AHCYL2: variants seen among roughly 807,000 people sequenced by gnomAD.
AHCYL2 encodes the protein S-adenosylhomocysteine hydrolase-like protein 2.
Under a neutral mutation model 81.4 loss-of-function variants are expected in AHCYL2, and 28 were observed. The ratio of observed to expected loss-of-function variants is 0.34; its 90% CI spans 0.25 to 0.47. The LOEUF is 0.47. Ranked by LOEUF, AHCYL2 falls within the 20% of genes least tolerant of loss-of-function variation. The pLI is 1.00. For missense variants in AHCYL2, 551 were observed against 785.1 expected (o/e 0.70, Z 3.56); for synonymous variants, 272 against 290.2 (o/e 0.94, Z 0.64).
intron 5 of AHCYL2, among the ~76,000 whole-genome samples, chr7:129,399,603 AG>A (rs1243931827): frequency 6.6e-6 from 1 of 152,160 alleles, no homozygotes; most frequent in Non-Finnish European, 1.5e-5. Flanking sequence ...TCTTAATAAT[AG>A]GGTGGAATGA....
chr7:129,406,534 C>A lies in AHCYL2; in HGVS notation c.1295+68C>A. Reference sequence around the variant, plus strand: ...TCTCCAAAGAATGGCCTGGTTGATGCCACACTTTATTTTAGAGGAGCCCAG... The same window carrying A: ...TCTCCAAAGAATGGCCTGGTTGATGACACACTTTATTTTAGAGGAGCCCAG... On this transcript the variant is annotated intron_variant, in intron 10 of 16. Transcript: ENST00000325006. This position sits in a 1 kb window ranked among gnomAD's most constrained non-coding sequence, Gnocchi z 4.3. 1 of 1,460,532 alleles carries A rather than the reference C, an allele frequency of 6.8e-7. No individual in the cohort carries two copies. The highest frequency in any genetic ancestry group is 9.6e-7 in the Non-Finnish European group (1 of 1,040,484). 90.5% of individuals were successfully genotyped at this position (1,460,532 alleles called of 1,614,324 possible). A position where few individuals can be genotyped will look rare whatever the true frequency, so the allele number is the denominator to read the frequency against.
chr7:129,286,492 C>T (rs1248034761), intron 1 of AHCYL2, among the ~76,000 whole-genome samples: 3 of 150,984 alleles, frequency 2.0e-5, no homozygotes, highest in African/African-American at 7.3e-5. Flanking sequence ...CAGGGTTTCA[C>T]TCTCATCACC....
intron 1 of AHCYL2, among the ~76,000 whole-genome samples, chr7:129,278,763 C>CTTTTTTTT (rs36037913): frequency 9.0e-6 from 1 of 111,378 alleles, no homozygotes; most frequent in Admixed American, 9.6e-5. Context: ...TATTGAAGCT[C>CTTTTTTTT]TTTTTTTTTT....
intron 1 of AHCYL2, among the ~76,000 whole-genome samples, chr7:129,378,580 T>C (rs1319731662): frequency 6.6e-6 from 1 of 152,230 alleles, no homozygotes; most frequent in East Asian, 1.9e-4. Flanking sequence ...TGAGCAACAT[T>C]ACACAGCTAA....
intron 1 of AHCYL2, among the ~76,000 whole-genome samples, chr7:129,256,230 T>A (rs1401049525): frequency 6.6e-6 from 1 of 152,132 alleles, no homozygotes; most frequent in African/African-American, 2.4e-5. Flanking sequence ...AAATAATAGG[T>A]TAGAGTGATA....
chr7:129,303,345 G>T (rs1797316515), intron 1 of AHCYL2, among the ~76,000 whole-genome samples: 1 of 152,140 alleles, frequency 6.6e-6, no homozygotes, highest in African/African-American at 2.4e-5. Context: ...ACTTGTTATT[G>T]ATCTGTTTAG....
chr7:129,265,861 A>G (rs1022002907), intron 1 of AHCYL2, among the ~76,000 whole-genome samples: 5 of 152,202 alleles, frequency 3.3e-5, no homozygotes, highest in African/African-American at 1.2e-4. Flanking sequence ...AGACGATAGT[A>G]GTTTGGAGCA....
intron 2 of AHCYL2, chr7:129,388,800 C>T (rs773508453): frequency 1.7e-4 from 60 of 360,090 alleles, no homozygotes; most frequent in Admixed American, 3.6e-4. Flanking sequence ...TTTCTTTTTG[C>T]GTATTCAAGG....
At chr7:129,323,190 T>A (rs1798101108) in intron 1 of AHCYL2, among the ~76,000 whole-genome samples, 1 of 152,148 alleles carries the variant, frequency 6.6e-6, no homozygotes, top group South Asian at 2.1e-4. Flanking sequence ...ATCTGAGACT[T>A]TTCTTCTTTT....
rs530796422 is a variant in AHCYL2, at chr7:129,237,226, G to A, written c.363+11787G>A. ...TGTGTTTTCTTCACCTGTTTATATGGTTGTATTTATTATATTTTGGTCTTC... is the reference window on the plus strand; with the variant it reads ...TGTGTTTTCTTCACCTGTTTATATGATTGTATTTATTATATTTTGGTCTTC... On this transcript the variant is annotated intron_variant, in intron 1 of 16. Transcript: ENST00000325006. Among the ~76,000 whole-genome samples, 5 of 151,940 alleles carry A rather than the reference G, an allele frequency of 3.3e-5. No individual in the cohort carries two copies. In the South Asian group the frequency reaches 8.3e-4, roughly 25 times the overall value.
At chr7:129,268,842 G>A (rs1006243043) in intron 1 of AHCYL2, among the ~76,000 whole-genome samples, 1 of 152,090 alleles carries the variant, frequency 6.6e-6, no homozygotes, top group African/African-American at 2.4e-5. Context: ...ATTTCATACT[G>A]CGAAGTTCAC....
intron 1 of AHCYL2, among the ~76,000 whole-genome samples, chr7:129,370,699 A>G (rs1243489509): frequency 6.6e-6 from 1 of 152,194 alleles, no homozygotes; most frequent in Non-Finnish European, 1.5e-5. Context: ...CTCCGTCTCA[A>G]AACAAACAAA....
intron 1 of AHCYL2, among the ~76,000 whole-genome samples, chr7:129,346,573 C>T (rs1793370006): frequency 6.6e-6 from 1 of 152,126 alleles, no homozygotes; most frequent in East Asian, 1.9e-4. Flanking sequence ...AAATTAAAAT[C>T]ATTTGAAATA....
At chr7:129,268,911 C>G (rs758632870) in intron 1 of AHCYL2, among the ~76,000 whole-genome samples, 1 of 152,008 alleles carries the variant, frequency 6.6e-6, no homozygotes, top group Non-Finnish European at 1.5e-5. Flanking sequence ...AGTGTATAAC[C>G]ATTACTGTAA....
In AHCYL2 at chr7:129,273,841, T is replaced by G. The variant is rs146170932; in HGVS notation, c.363+48402T>G. Among the ~76,000 whole-genome samples the G allele has an allele frequency of 3.3e-3, 508 of 152,052 alleles. 1 individual carries two copies. The highest frequency in any genetic ancestry group is 0.011 in the African/African-American group (440 of 41,458). On this transcript the variant is annotated intron_variant, in intron 1 of 16. Transcript: ENST00000325006. ...TCTGCTGGAGTGAATCCCAATAAGA[T>G]TCATAGGAAATCCACAAGATTTTAA...
In AHCYL2 at chr7:129,235,760, C is replaced by T. The variant is rs188353373; in HGVS notation, c.363+10321C>T. On this transcript the variant is annotated intron_variant, in intron 1 of 16. Coordinates refer to ENST00000325006, the MANE Select transcript of AHCYL2 (RefSeq NM_015328.4). ...TTGTTTTGCAGGTTCCTTTTTTATT[C>T]AGTAGCACATCTTAGAGCTCTTTCT... is the stretch of plus-strand genomic sequence containing the variant. Among the ~76,000 whole-genome samples the T allele has an allele frequency of 6.8e-3, 1,032 of 152,268 alleles. 4 individuals are homozygous for T. The highest frequency in any genetic ancestry group is 9.9e-3 in the Non-Finnish European group (672 of 68,016).
At chr7:129,249,616 G>A (rs1460897461) in intron 1 of AHCYL2, among the ~76,000 whole-genome samples, 1 of 151,684 alleles carries the variant, frequency 6.6e-6, no homozygotes, top group East Asian at 2.0e-4. Flanking sequence ...TAGTAGAGAC[G>A]GGGTTTCACC....
At chr7:129,343,457 A>G (rs1400166035) in intron 1 of AHCYL2, among the ~76,000 whole-genome samples, 3 of 152,182 alleles carry the variant, frequency 2.0e-5, no homozygotes, top group Non-Finnish European at 1.5e-5. Flanking sequence ...GACTTCGAAG[A>G]CTATTTTGTG....
chr7:129,399,737 T>C (rs1233320681), intron 5 of AHCYL2, among the ~76,000 whole-genome samples: 1 of 148,368 alleles, frequency 6.7e-6, no homozygotes, highest in Non-Finnish European at 1.5e-5. Flanking sequence ...TTTTTTTTTT[T>C]TTTTTTTGAG....
Sources: allele counts gnomAD v4.1 joint callset (sites outside exome capture counted in the v4.1 genomes callset), GRCh38; gene constraint gnomAD v4.1.1; non-coding constraint Gnocchi (gnomAD v3.1); transcripts MANE v1.5; gene names NCBI Gene and HGNC (gene_info 2026-07-23, HGNC 2026-07-21).